Variants in DDI2 observed in about 807,000 individuals in gnomAD.
DDI2 encodes the protein protein DDI1 homolog 2.
Under a neutral mutation model 48.1 loss-of-function variants are expected in DDI2, and 5 were observed. That is an observed-to-expected ratio of 0.10 (90% CI 0.05 to 0.22). The LOEUF (loss-of-function observed/expected upper bound fraction) is 0.22. DDI2 is among the 10% of genes least tolerant of loss of function. The pLI is 1.00. For synonymous variants in DDI2, 205 were observed against 183.6 expected, an observed-to-expected ratio of 1.12 and a Z score of -0.94; for missense variants, 285 against 506.2, an observed-to-expected ratio of 0.56 and a Z score of 4.19.
At chr1:15,638,679 C>T (rs1183405405) in intron 5 of DDI2, among the ~76,000 whole-genome samples, 2 of 151,868 alleles carry the variant, frequency 1.3e-5, no homozygotes, top group African/African-American at 2.4e-5. Context: ...GGATTACAGG[C>T]GCCAACCACC....
At chr1:15,643,429 G>C (rs1640040808) in intron 5 of DDI2, 93 bp from the exon 6 acceptor site, 3 of 1,527,688 alleles carry the variant, frequency 2.0e-6, no homozygotes, top group Non-Finnish European at 2.6e-6. Flanking sequence ...GGGTGTGCTT[G>C]GTTTTCGCTT....
chr1:15,629,767 T>G lies in DDI2; in HGVS notation c.269-558T>G, dbSNP rs545156847. On this transcript the variant is annotated intron_variant, in intron 2 of 9. Transcript: ENST00000480945. ...TTCTTTTGAGATGAAGTTTCGCTCT[T>G]GTTGCCTGGGCTGGAGTGCAATGGC... is the stretch of plus-strand genomic sequence containing the variant. 6.6e-5 allele frequency among the ~76,000 whole-genome samples: 10 copies of G among 151,704 alleles called. No homozygotes were observed. The South Asian group carries it at 1.9e-3, about 29-fold the overall frequency.
At chr1:15,631,909 G>A (rs1467844580) in intron 3 of DDI2, among the ~76,000 whole-genome samples, 1 of 151,790 alleles carries the variant, frequency 6.6e-6, no homozygotes, top group African/African-American at 2.4e-5. Context: ...GGGTTCAAGC[G>A]ATTCTCCCGC....
In DDI2 at chr1:15,661,511, G is replaced by A; in HGVS notation, c.*1721G>A. The A allele has an allele frequency of 6.2e-7, 1 of 1,614,060 alleles. No homozygotes were observed. The highest frequency in any genetic ancestry group is 8.5e-7 in the Non-Finnish European group (1 of 1,180,010). On this transcript the variant is annotated 3_prime_UTR_variant, in exon 10 of 10. Transcript: ENST00000480945. ...GAAAATGTCTGTCCTGATGCTTCGA[G>A]GCCATTACTTGAATATGAACCACCT... is the stretch of plus-strand genomic sequence containing the variant.
Position 15,651,944 on chromosome 1 carries a change from C to T in DDI2, c.1183+49C>T, listed in dbSNP as rs373398148. On this transcript the variant is annotated intron_variant, in intron 8 of 9. Transcript: ENST00000480945. ...CAATACTTGTTATTGATGGGTAAGC[C>T]CGGGAAGTGTGGGCTTCAGAAGGGG... The T allele has an allele frequency of 3.8e-6, 6 of 1,564,558 alleles. No homozygotes were observed. In the African/African-American group the frequency reaches 6.8e-5, roughly 18 times the overall value.
chr1:15,629,296 T>C (rs1639806294), intron 2 of DDI2, among the ~76,000 whole-genome samples: 1 of 152,142 alleles, frequency 6.6e-6, no homozygotes, highest in Admixed American at 6.6e-5. Context: ...ACTTGACATA[T>C]ATAATATCCT....
At chr1:15,653,801 T>G (rs913116869) in intron 8 of DDI2, among the ~76,000 whole-genome samples, 4 of 152,190 alleles carry the variant, frequency 2.6e-5, no homozygotes, top group Non-Finnish European at 5.9e-5. Flanking sequence ...CTGACCAGCA[T>G]AATTGAACGT....
At chr1:15,638,244 TTGAAAC>T in intron 4 of DDI2, 57 bp from the exon 5 acceptor site, 1 of 1,605,132 alleles carries the variant, frequency 6.2e-7, no homozygotes, top group African/African-American at 1.3e-5. Context: ...TATTGTGACT[TTGAAAC>T]TGATTTCTCT....
intron 1 of DDI2, among the ~76,000 whole-genome samples, chr1:15,619,317 G>C (rs765221721): frequency 6.6e-6 from 1 of 151,372 alleles, no homozygotes; most frequent in Admixed American, 6.6e-5. Flanking sequence ...GTAGAGACGG[G>C]GTTTCACCAT....
intron 6 of DDI2, 128 bp downstream of exon 6, chr1:15,643,778 G>A: frequency 1.5e-6 from 2 of 1,338,546 alleles, no homozygotes; most frequent in Non-Finnish European, 2.0e-6. Flanking sequence ...TCTTTTGTGT[G>A]GGTATGTCTG....
At chr1:15,619,708 G>A (rs549039196) in intron 1 of DDI2, among the ~76,000 whole-genome samples, 1 of 152,098 alleles carries the variant, frequency 6.6e-6, no homozygotes, top group East Asian at 1.9e-4. Flanking sequence ...TGGTCTGCCC[G>A]CCTCGGCCTT....
At chr1:15,628,155 G>C (rs1397718427) in intron 2 of DDI2, among the ~76,000 whole-genome samples, 1 of 151,770 alleles carries the variant, frequency 6.6e-6, no homozygotes, top group Non-Finnish European at 1.5e-5. Flanking sequence ...ACATGTTTTT[G>C]AGAATTATTC....
At chr1:15,632,984 C>T (rs1427752400) in intron 3 of DDI2, among the ~76,000 whole-genome samples, 5 of 142,956 alleles carry the variant, frequency 3.5e-5, no homozygotes, top group Non-Finnish European at 7.5e-5. Flanking sequence ...GTGTGTGGTG[C>T]GATCACAGCT....
chr1:15,623,709 G>A (rs1639707169), intron 1 of DDI2, among the ~76,000 whole-genome samples: 1 of 151,948 alleles, frequency 6.6e-6, no homozygotes, highest in African/African-American at 2.4e-5. Flanking sequence ...GCCTGCATAG[G>A]ATCATTTTGA....
At position 15,660,012 on chromosome 1, in the gene DDI2, T is replaced by A; in HGVS notation, c.*222T>A. 2 of 1,614,220 alleles carry A rather than the reference T, an allele frequency of 1.2e-6. No homozygotes were observed. Among genetic ancestry groups the A allele is most frequent in the Non-Finnish European group, 1.7e-6 (2 of 1,180,036 alleles). ...TCAAGCCCAGTGACTCAGATCGCAT[T>A]GAACCTAAAGCTGTGAAGGCTTTGA... On this transcript the variant is annotated 3_prime_UTR_variant, in exon 10 of 10. Coordinates refer to ENST00000480945, the MANE Select transcript of DDI2 (RefSeq NM_032341.5).
At chr1:15,622,656 C>T (rs1476936034) in intron 1 of DDI2, among the ~76,000 whole-genome samples, 1 of 151,978 alleles carries the variant, frequency 6.6e-6, no homozygotes, top group Non-Finnish European at 1.5e-5. Flanking sequence ...TCAAGAATGC[C>T]GGCAGCGGAT....
chr1:15,641,419 C>T (rs1364079640), intron 5 of DDI2, among the ~76,000 whole-genome samples: 2 of 151,378 alleles, frequency 1.3e-5, no homozygotes, highest in African/African-American at 4.9e-5. Context: ...TTGCAGTGGG[C>T]TGAGATCACA....
chr1:15,659,169 AG>A (rs1434362805), intron 9 of DDI2, among the ~76,000 whole-genome samples: 1 of 152,240 alleles, frequency 6.6e-6, no homozygotes, highest in Non-Finnish European at 1.5e-5. Context: ...GAAATAAAAT[AG>A]AACATTTGCT....
chr1:15,662,329 GACATTTTA>G lies in DDI2; in HGVS notation c.*2541_*2548del, dbSNP rs1640396082. On this transcript the variant is annotated 3_prime_UTR_variant, in exon 10 of 10. Transcript: ENST00000480945. The stretch of plus-strand genomic sequence containing the variant: ...GTTTTTATTTGTGTGCTTAGGATTT[GACATTTTA>G]ATAGGGCGAGCAGGAGGGTTTAAAT... 6.6e-6 allele frequency: 1 copy of G among 152,238 alleles called. No individual in the cohort carries two copies. The highest frequency in any genetic ancestry group is 2.1e-4 in the South Asian group (1 of 4,832). The allele number at this position is 152,238 out of a possible 1,614,324, so 9.4% of individuals were successfully genotyped here. A position where few individuals can be genotyped will look rare whatever the true frequency, so the allele number is the denominator to read the frequency against.
Sources: gnomAD v4.1 joint callset for allele counts (sites outside exome capture counted in the v4.1 genomes callset) on GRCh38, gnomAD v4.1.1 for gene constraint, MANE v1.5 for transcripts, NCBI Gene and HGNC (gene_info 2026-07-23, HGNC 2026-07-21) for gene names.